ACSL1: variants seen among roughly 807,000 people sequenced by gnomAD.
ACSL1 encodes acyl-CoA synthetase long chain family member 1, also known as long-chain-fatty-acid--CoA ligase 1.
Under a neutral mutation model 98.4 loss-of-function variants are expected in ACSL1, and 41 were observed. The ratio of observed to expected loss-of-function variants is 0.42; its 90% CI spans 0.32 to 0.54. ACSL1 has a LOEUF of 0.54. Ranked by LOEUF, ACSL1 falls within the 20% of genes least tolerant of loss-of-function variation. The pLI, the probability that ACSL1 is intolerant of heterozygous loss-of-function variation, is 0.13. For missense variants in ACSL1, 734 were observed against 883.1 expected, an observed-to-expected ratio of 0.83 and a Z score of 2.14; for synonymous variants, 316 against 322.7, an observed-to-expected ratio of 0.98 and a Z score of 0.22.
intron 1 of ACSL1, chr4:184,813,838 G>A: frequency 2.2e-6 from 1 of 456,158 alleles, no homozygotes; most frequent in Non-Finnish European, 4.4e-6. Flanking sequence ...AGCTATGCAG[G>A]CACTTTCCTC....
chr4:184,786,438 ACACACACACACACACACACACT>A (rs1156741555), intron 3 of ACSL1, among the ~76,000 whole-genome samples: 3 of 146,226 alleles, frequency 2.1e-5, no homozygotes, highest in African/African-American at 4.9e-5. Context: ...ACACACACAC[ACACACACACACACACACACACT>A]GTTTCATGTG....
intron 1 of ACSL1, among the ~76,000 whole-genome samples, chr4:184,818,366 A>C (rs969858320): frequency 1.3e-5 from 2 of 152,136 alleles, no homozygotes; most frequent in African/African-American, 4.8e-5. Context: ...CTGCTTCTCC[A>C]ACACAAGTGA....
intron 14 of ACSL1, among the ~76,000 whole-genome samples, 179 bp from the exon 15 acceptor site, chr4:184,765,104 C>T (rs138936282): frequency 2.6e-5 from 4 of 152,286 alleles, no homozygotes; most frequent in Admixed American, 1.3e-4. Context: ...CAACACCAGC[C>T]GTCACCCAGG....
Position 184,757,249 on chromosome 4 carries a change from A to G in ACSL1, c.1973T>C (p.Leu658Ser), listed in dbSNP as rs756405437. 8.1e-6 allele frequency: 13 copies of G among 1,600,086 alleles called. No homozygotes were observed. In the Admixed American group the frequency reaches 2.2e-4, roughly 27 times the overall value. ...GTCGATAGAAAATAATTCAGGGTGC[A>G]ATGTGATGCCTTTGACCTGCCAATA... ...KPFEQVKGIT[L>S]HPELFSIDNG... The change falls in exon 21 of 21, where the codon TTG (leucine) becomes TCG (serine). Residue 658 changes from leucine (L) to serine (S), a missense_variant. By Grantham distance (145) the Leu-to-Ser change is moderately radical. Transcript: ENST00000281455. This position sits in a 1 kb window ranked among gnomAD's most constrained non-coding sequence, Gnocchi z 4.5.
intron 1 of ACSL1, chr4:184,808,344 G>T (rs1771692232): frequency 1.0e-6 from 1 of 985,398 alleles, no homozygotes; most frequent in African/African-American, 1.7e-5. Flanking sequence ...CGGGTGGTCT[G>T]GATGTTTCTC....
intron 6 of ACSL1, 38 bp from the exon 7 acceptor site, chr4:184,776,700 G>A (rs1245858531): frequency 6.3e-7 from 1 of 1,586,070 alleles, no homozygotes; most frequent in East Asian, 2.2e-5. Context: ...TAAGCTCTGG[G>A]ATGTTAAAAG....
At chr4:184,808,429 C>T (rs1771702471) in intron 1 of ACSL1, 1 of 985,420 alleles carries the variant, frequency 1.0e-6, no homozygotes, top group Non-Finnish European at 1.2e-6. Flanking sequence ...AGGAATGCAG[C>T]CCTCAAACAA....
At chr4:184,795,080 CA>C (rs1335840664) in intron 2 of ACSL1, among the ~76,000 whole-genome samples, 4 of 152,126 alleles carry the variant, frequency 2.6e-5, no homozygotes, top group African/African-American at 9.7e-5. Context: ...CCTACAAATA[CA>C]CATTGTTCCA....
At chr4:184,791,081 C>T (rs1400331542) in intron 2 of ACSL1, among the ~76,000 whole-genome samples, 1 of 152,188 alleles carries the variant, frequency 6.6e-6, no homozygotes, top group Non-Finnish European at 1.5e-5. Flanking sequence ...ATGCAGGTGG[C>T]CTGGCCGCCC....
At chr4:184,792,004 A>T (rs185721237) in intron 2 of ACSL1, among the ~76,000 whole-genome samples, 3 of 152,326 alleles carry the variant, frequency 2.0e-5, no homozygotes, top group African/African-American at 7.2e-5. Context: ...ACTGCTCTGG[A>T]GGACCATTTT....
At chr4:184,780,884 A>G (rs949890985) in intron 4 of ACSL1, among the ~76,000 whole-genome samples, 6 of 152,218 alleles carry the variant, frequency 3.9e-5, no homozygotes, top group Non-Finnish European at 8.8e-5. Context: ...TAAGTTCTAC[A>G]GTTCCATTCT....
chr4:184,781,930 T>C (rs1363953556), intron 4 of ACSL1, among the ~76,000 whole-genome samples: 1 of 152,236 alleles, frequency 6.6e-6, no homozygotes. Flanking sequence ...ATTTTCTTTA[T>C]TCTCAGTTCG....
rs1238217095 is a variant in ACSL1, at chr4:184,773,181, A to T, written c.842-27T>A. On this transcript the variant is annotated intron_variant, in intron 9 of 20. Transcript: ENST00000281455. This position sits in a 1 kb window ranked among gnomAD's most constrained non-coding sequence, Gnocchi z 4.3. ...TGTGGAGCACATATGAAGCAGAACA[A>T]AGTTAAAGAATGACAGAAATGAAGG... The T allele has an allele frequency of 3.1e-6, 5 of 1,594,020 alleles. No individual in the cohort carries two copies. The African/African-American group carries it at 6.7e-5, about 21-fold the overall frequency.
intron 1 of ACSL1, among the ~76,000 whole-genome samples, chr4:184,812,854 A>T (rs1483861105): frequency 6.6e-6 from 1 of 152,174 alleles, no homozygotes; most frequent in Non-Finnish European, 1.5e-5. Flanking sequence ...TGAGTTTTCT[A>T]TGACAGAAAA....
intron 2 of ACSL1, among the ~76,000 whole-genome samples, chr4:184,794,030 G>A (rs1768895797): frequency 1.3e-5 from 2 of 152,236 alleles, no homozygotes; most frequent in African/African-American, 4.8e-5. Flanking sequence ...ATTGTTCAGG[G>A]AATAATGACA....
In ACSL1 at chr4:184,776,473, AG is replaced by A; in HGVS notation, c.756+10del. Reference sequence around the variant, plus strand: ...AAGCCTTCAGAGAAGGGAAGGAGGCAGGGCACTCACCTCCATCGCCTTCATG... The same window carrying A: ...AAGCCTTCAGAGAAGGGAAGGAGGCAGGCACTCACCTCCATCGCCTTCATG... On this transcript the variant is annotated intron_variant, in intron 7 of 20. Transcript: ENST00000281455. 6.2e-7 allele frequency: 1 copy of A among 1,608,068 alleles called. No homozygotes were observed. The highest frequency in any genetic ancestry group is 8.5e-7 in the Non-Finnish European group (1 of 1,177,422).
intron 1 of ACSL1, among the ~76,000 whole-genome samples, chr4:184,824,795 T>A (rs907562610): frequency 6.6e-6 from 1 of 152,136 alleles, no homozygotes. Flanking sequence ...CTTTAAGTTT[T>A]AGCCAGCCTA....
intron 2 of ACSL1, among the ~76,000 whole-genome samples, chr4:184,796,730 T>A (rs1769444252): frequency 6.6e-6 from 1 of 152,206 alleles, no homozygotes. Context: ...TCACACAGGC[T>A]TCTAGTTAAA....
intron 2 of ACSL1, among the ~76,000 whole-genome samples, chr4:184,792,289 G>A (rs941140762): frequency 2.6e-5 from 4 of 152,086 alleles, no homozygotes; most frequent in Admixed American, 6.5e-5. Context: ...TCGATGATAC[G>A]GGATAAAAGG....
Sources: gnomAD v4.1 joint callset for allele counts (sites outside exome capture counted in the v4.1 genomes callset) on GRCh38, gnomAD v4.1.1 for gene constraint, Gnocchi (gnomAD v3.1) non-coding constraint, MANE v1.5 for transcripts, NCBI Gene and HGNC (gene_info 2026-07-23, HGNC 2026-07-21) for gene names.